The following PDE4B variants were observed in gnomAD, a reference collection of about 807,000 sequenced individuals.
The protein encoded by PDE4B is phosphodiesterase 4B.
A neutral mutation model predicts 82.2 loss-of-function variants in PDE4B; 20 were observed. That is an observed-to-expected ratio of 0.24 (90% CI 0.17 to 0.35). PDE4B has a LOEUF of 0.35. PDE4B is among the 10% of genes least tolerant of loss of function. PDE4B has a pLI of 1.00. For synonymous variants in PDE4B, 320 were observed against 318.9 expected (o/e 1.00, Z -0.04); for missense variants, 655 against 907.2 (o/e 0.72, Z 3.57).
intron 7 of PDE4B, among the ~76,000 whole-genome samples, chr1:66,299,578 C>A (rs531783072): frequency 1.8e-4 from 27 of 152,220 alleles, no homozygotes; most frequent in African/African-American, 6.3e-4. Flanking sequence ...GGATAAATAC[C>A]CAGTAGTGGG....
At chr1:66,164,332 C>T (rs898054334) in intron 3 of PDE4B, among the ~76,000 whole-genome samples, 4 of 151,768 alleles carry the variant, frequency 2.6e-5, no homozygotes, top group African/African-American at 7.2e-5. Context: ...GTCAGGAGTT[C>T]GAAACCAGCC....
At chr1:65,932,376 G>C (rs765992423) in intron 3 of PDE4B, among the ~76,000 whole-genome samples, 1 of 152,082 alleles carries the variant, frequency 6.6e-6, no homozygotes, top group Non-Finnish European at 1.5e-5. Context: ...AACACTGATT[G>C]TACCTAGCAT....
chr1:65,893,687 G>GTTTATATA (rs549871681), intron 1 of PDE4B, among the ~76,000 whole-genome samples: 76 of 151,782 alleles, frequency 5.0e-4, no homozygotes, highest in African/African-American at 1.8e-3. Flanking sequence ...TATGAAACAT[G>GTTTATATA]CACACATGTT....
intron 3 of PDE4B, among the ~76,000 whole-genome samples, chr1:66,099,054 G>A (rs1368003135): frequency 6.6e-6 from 1 of 152,046 alleles, no homozygotes; most frequent in Non-Finnish European, 1.5e-5. Context: ...TGGGATACAT[G>A]TGCAGCATGT....
intron 1 of PDE4B, among the ~76,000 whole-genome samples, chr1:65,796,196 T>A (rs1219176974): frequency 6.6e-6 from 1 of 152,240 alleles, no homozygotes; most frequent in African/African-American, 2.4e-5. Flanking sequence ...TGTTTTGGCA[T>A]GAATTTCTTT....
At chr1:65,954,600 A>G (rs548769095) in intron 3 of PDE4B, among the ~76,000 whole-genome samples, 1 of 152,204 alleles carries the variant, frequency 6.6e-6, no homozygotes, top group African/African-American at 2.4e-5. Flanking sequence ...CAACACCTAC[A>G]AATCAATATC....
intron 3 of PDE4B, among the ~76,000 whole-genome samples, chr1:65,990,589 G>A (rs769689044): frequency 6.6e-6 from 1 of 152,078 alleles, no homozygotes; most frequent in Non-Finnish European, 1.5e-5. Flanking sequence ...ATTACTAATA[G>A]TTTGTCTTCT....
intron 1 of PDE4B, among the ~76,000 whole-genome samples, chr1:65,868,747 G>A (rs1571041024): frequency 6.6e-6 from 1 of 152,182 alleles, no homozygotes; most frequent in South Asian, 2.1e-4. Context: ...GAGCCAGCGA[G>A]CATTACCGCC....
intron 3 of PDE4B, among the ~76,000 whole-genome samples, chr1:65,952,173 G>T (rs892208293): frequency 6.6e-6 from 1 of 152,048 alleles, no homozygotes; most frequent in Non-Finnish European, 1.5e-5. Flanking sequence ...CCTTCCAGGT[G>T]ATTGTGAGGC....
chr1:66,200,176 G>A (rs962664696), intron 3 of PDE4B, among the ~76,000 whole-genome samples: 10 of 152,100 alleles, frequency 6.6e-5, no homozygotes, highest in African/African-American at 1.7e-4. Context: ...CATTATTTCC[G>A]AGGGTTCTGT....
chr1:66,069,471 T>C (rs1656040295), intron 3 of PDE4B, among the ~76,000 whole-genome samples: 1 of 152,026 alleles, frequency 6.6e-6, no homozygotes, highest in Admixed American at 6.6e-5. Context: ...CCATAGCATA[T>C]GATTATACTT....
chr1:66,247,470 GA>G lies in PDE4B; in HGVS notation c.296del (p.Asn99MetfsTer66). ...TTVSQECFDVENGPSPGRSPL... is the reference protein window; with the variant it reads ...TTVSQECFDVXNGPSPGRSPL... ...CACTTTCTCTTTAAGCTTTGATGTGGAAAATGGCCCTTCCCCAGGTCGGAGT... is the reference window on the plus strand; with the variant it reads ...CACTTTCTCTTTAAGCTTTGATGTGGAAATGGCCCTTCCCCAGGTCGGAGT... On this transcript the variant is annotated frameshift_variant, in exon 4 of 17. Transcript: ENST00000341517. LOFTEE classifies it high-confidence loss of function. The G allele has an allele frequency of 6.4e-7, 1 of 1,573,062 alleles. No homozygotes were observed. The highest frequency in any genetic ancestry group is 1.4e-5 in the African/African-American group (1 of 73,124).
chr1:65,984,008 A>G (rs1236123411), intron 3 of PDE4B, among the ~76,000 whole-genome samples: 2 of 152,196 alleles, frequency 1.3e-5, no homozygotes, highest in African/African-American at 4.8e-5. Context: ...GACAGCTTAT[A>G]TTCACACAAA....
intron 1 of PDE4B, among the ~76,000 whole-genome samples, chr1:65,911,033 T>C (rs1272644280): frequency 6.6e-6 from 1 of 152,222 alleles, no homozygotes. Flanking sequence ...TTGTAATTTG[T>C]GATCCTGCTT....
intron 7 of PDE4B, among the ~76,000 whole-genome samples, chr1:66,292,719 T>C (rs1657176855): frequency 6.6e-6 from 1 of 152,130 alleles, no homozygotes; most frequent in Non-Finnish European, 1.5e-5. Flanking sequence ...TCGTACACTG[T>C]TCTTATTGTT....
In PDE4B at chr1:66,266,171, A is replaced by G. The variant is rs532496940; in HGVS notation, c.634+84A>G. The G allele has an allele frequency of 1.5e-4, 159 of 1,094,560 alleles. 1 individual carries two copies. In the South Asian group the frequency reaches 2.0e-3, roughly 14 times the overall value. The allele number at this position is 1,094,560 out of a possible 1,614,324, so 67.8% of individuals were successfully genotyped here. ...TTATTCAGAACTGTTTTTTAGAACAATAGTGTTGTTTGCATATTGTGGCTC... is the reference window on the plus strand; with the variant it reads ...TTATTCAGAACTGTTTTTTAGAACAGTAGTGTTGTTTGCATATTGTGGCTC... On this transcript the variant is annotated intron_variant, in intron 7 of 16. Transcript: ENST00000341517.
chr1:65,949,822 C>T (rs986628569), intron 3 of PDE4B, among the ~76,000 whole-genome samples: 6 of 151,846 alleles, frequency 4.0e-5, no homozygotes, highest in African/African-American at 1.5e-4. Flanking sequence ...GATAATTGGT[C>T]ACATTTTCAG....
At chr1:66,272,230 C>G (rs1042917693) in intron 7 of PDE4B, among the ~76,000 whole-genome samples, 1 of 152,206 alleles carries the variant, frequency 6.6e-6, no homozygotes, top group East Asian at 1.9e-4. Context: ...GCTCTATTTA[C>G]CTGCACAGCC....
chr1:66,109,000 G>A (rs1220323591), intron 3 of PDE4B, among the ~76,000 whole-genome samples: 1 of 151,924 alleles, frequency 6.6e-6, no homozygotes, highest in Non-Finnish European at 1.5e-5. Flanking sequence ...TCTACTCAAT[G>A]TCTTCACTGT....
Sources: allele counts gnomAD v4.1 joint callset (sites outside exome capture counted in the v4.1 genomes callset), GRCh38; gene constraint gnomAD v4.1.1; transcripts MANE v1.5; gene names NCBI Gene and HGNC (gene_info 2026-07-23, HGNC 2026-07-21).